Variants in SGCZ observed in about 807,000 individuals in gnomAD.
SGCZ encodes the protein sarcoglycan zeta.
In SGCZ, 40 loss-of-function variants were observed where a neutral mutation model predicts 41.3. That is an observed-to-expected ratio of 0.97 (90% CI 0.75 to 1.26). SGCZ has a LOEUF of 1.26. SGCZ is among the 50% of genes most tolerant of loss of function. The pLI is 0.00. For synonymous variants in SGCZ, 206 were observed against 137.5 expected (o/e 1.50, Z -3.49); for missense variants, 552 against 369.8 (o/e 1.49, Z -4.04).
At chr8:15,226,375 T>G (rs74424639) in intron 1 of SGCZ, among the ~76,000 whole-genome samples, 3,080 of 152,260 alleles carry the variant, frequency 0.02, 98 homozygotes, top group African/African-American at 0.069. Flanking sequence ...TCCGCAAGAG[T>G]GTAACTCAAA....
chr8:14,886,062 A>C (rs1804794487), intron 1 of SGCZ, among the ~76,000 whole-genome samples: 2 of 133,256 alleles, frequency 1.5e-5, no homozygotes, highest in Non-Finnish European at 1.6e-5. Context: ...TTTTTCACTT[A>C]AGGTAATAGC....
intron 1 of SGCZ, among the ~76,000 whole-genome samples, chr8:15,011,278 G>A (rs1224087446): frequency 6.6e-6 from 1 of 152,054 alleles, no homozygotes; most frequent in Non-Finnish European, 1.5e-5. Context: ...TGTTCCAGGA[G>A]GTATGTGTCT....
At chr8:14,772,208 G>C (rs1019337486) in intron 1 of SGCZ, among the ~76,000 whole-genome samples, 3 of 152,134 alleles carry the variant, frequency 2.0e-5, no homozygotes, top group Non-Finnish European at 4.4e-5. Flanking sequence ...AGGTAGGCTA[G>C]GCCAAGCTAA....
rs66656586 is a variant in SGCZ, at chr8:14,575,913, C to CAAA, written c.40-20990_40-20988dup. On this transcript the variant is annotated intron_variant, in intron 1 of 7. Coordinates refer to ENST00000382080, the MANE Select transcript of SGCZ (RefSeq NM_139167.4). ...AGAGTGAGACCCTGTCTCAAAATAA[C>CAAA]AAAAAAAAAAAAAAAAAAAAAAGAA... 6.2e-3 allele frequency among the ~76,000 whole-genome samples: 615 copies of CAAA among 99,958 alleles called. 6 individuals are homozygous for CAAA. The highest frequency in any genetic ancestry group is 0.02 in the Middle Eastern group (3 of 148). 65.6% of individuals were successfully genotyped at this position (99,958 alleles called of 152,430 possible).
intron 1 of SGCZ, among the ~76,000 whole-genome samples, chr8:14,709,126 C>G (rs17322021): frequency 0.36 from 54,992 of 151,844 alleles, 12,297 homozygotes; most frequent in Non-Finnish European, 0.51. Context: ...GTGCTCTTAC[C>G]ATAGAAGAAA....
At chr8:15,106,150 T>C (rs926362397) in intron 1 of SGCZ, among the ~76,000 whole-genome samples, 1 of 152,176 alleles carries the variant, frequency 6.6e-6, no homozygotes, top group Admixed American at 6.5e-5. Context: ...TTTCATATGT[T>C]TATTTTTCCA....
chr8:14,600,171 A>T (rs1013313310), intron 1 of SGCZ, among the ~76,000 whole-genome samples: 1 of 151,652 alleles, frequency 6.6e-6, no homozygotes, highest in Non-Finnish European at 1.5e-5. Context: ...TGGGCACCAC[A>T]CTCTCTTGGA....
chr8:15,007,512 G>A (rs1563431430), intron 1 of SGCZ, among the ~76,000 whole-genome samples: 1 of 152,230 alleles, frequency 6.6e-6, no homozygotes, highest in East Asian at 1.9e-4. Context: ...CTGGGTGCAT[G>A]TTCTGGCTTT....
At chr8:14,105,460 A>C (rs1802174754) in intron 6 of SGCZ, among the ~76,000 whole-genome samples, 1 of 152,284 alleles carries the variant, frequency 6.6e-6, no homozygotes, top group African/African-American at 2.4e-5. Context: ...AACCGTGTTG[A>C]TTAGAAGTAG....
At chr8:15,007,503 T>A (rs74805068) in intron 1 of SGCZ, among the ~76,000 whole-genome samples, 191 of 152,332 alleles carry the variant, frequency 1.3e-3, no homozygotes, top group African/African-American at 4.5e-3. Context: ...AGCCACAAAC[T>A]GGGTGCATGT....
intron 4 of SGCZ, among the ~76,000 whole-genome samples, chr8:14,168,785 T>A (rs974851642): frequency 3.9e-5 from 6 of 152,292 alleles, no homozygotes; most frequent in Middle Eastern, 3.4e-3. Context: ...GAAAATCTGT[T>A]ATATGAGATC....
rs185527627 is a variant in SGCZ at position 14,290,683 on chromosome 8, C to T, written c.336+33420G>A. ...TGGCTAGTATATAAAAATTAAAAGA[C>T]ACCCAGTGTCAATAAGAATGTGGAG... On this transcript the variant is annotated intron_variant, in intron 3 of 7. Coordinates refer to ENST00000382080, the MANE Select transcript of SGCZ (RefSeq NM_139167.4). Among the ~76,000 whole-genome samples the T allele has an allele frequency of 7.1e-4, 108 of 152,012 alleles. 1 individual carries two copies. Among genetic ancestry groups the T allele is most frequent in the African/African-American group, 2.5e-3 (104 of 41,486 alleles).
chr8:14,876,897 C>CTAAG (rs1804377523), intron 1 of SGCZ, among the ~76,000 whole-genome samples: 2 of 152,284 alleles, frequency 1.3e-5, no homozygotes, highest in East Asian at 3.9e-4. Context: ...GGAGTGTGGA[C>CTAAG]TAAGCAAAGA....
intron 2 of SGCZ, among the ~76,000 whole-genome samples, chr8:14,435,741 G>A (rs2117351317): frequency 6.6e-6 from 1 of 152,300 alleles, no homozygotes; most frequent in Middle Eastern, 3.4e-3. Flanking sequence ...TATGATTAAT[G>A]AAATACACAT....
chr8:14,663,218 C>G (rs1807811010), intron 1 of SGCZ, among the ~76,000 whole-genome samples: 1 of 152,066 alleles, frequency 6.6e-6, no homozygotes, highest in South Asian at 2.1e-4. Flanking sequence ...TGTACCTACC[C>G]CTTGGTATGA....
chr8:14,323,284 A>G (rs1801989886), intron 3 of SGCZ, among the ~76,000 whole-genome samples: 1 of 152,058 alleles, frequency 6.6e-6, no homozygotes, highest in South Asian at 2.1e-4. Flanking sequence ...CATTGATTAA[A>G]ATATTAAAAC....
chr8:14,114,226 C>G (rs1802455476), intron 5 of SGCZ, among the ~76,000 whole-genome samples: 4 of 151,914 alleles, frequency 2.6e-5, no homozygotes, highest in African/African-American at 7.2e-5. Context: ...CAAAAGCATG[C>G]ATAAAATGCT....
intron 1 of SGCZ, among the ~76,000 whole-genome samples, chr8:14,583,826 C>T (rs1479303576): frequency 6.6e-6 from 1 of 150,888 alleles, no homozygotes; most frequent in African/African-American, 2.4e-5. Context: ...TATGGCAAAA[C>T]ATATATATAT....
intron 3 of SGCZ, among the ~76,000 whole-genome samples, chr8:14,288,750 A>T (rs957294229): frequency 3.3e-5 from 5 of 152,144 alleles, no homozygotes; most frequent in Non-Finnish European, 7.3e-5. Context: ...CCATTTGTGT[A>T]CAAGTTTTTG....
Sources: allele counts gnomAD v4.1 joint callset (sites outside exome capture counted in the v4.1 genomes callset), GRCh38; gene constraint gnomAD v4.1.1; transcripts MANE v1.5; gene names NCBI Gene and HGNC (gene_info 2026-07-23, HGNC 2026-07-21).